The following RASGRF2 variants were observed in gnomAD, a reference collection of about 807,000 sequenced individuals.
The protein encoded by RASGRF2 is Ras protein specific guanine nucleotide releasing factor 2.
In RASGRF2, 76 loss-of-function variants were observed where a neutral mutation model predicts 151.0. That is an observed-to-expected ratio of 0.50 (90% CI 0.42 to 0.61). RASGRF2 has a LOEUF of 0.61. RASGRF2 is among the 20% of genes least tolerant of loss of function. RASGRF2 has a pLI of 0.00. For missense variants in RASGRF2, 1,148 were observed against 1,564.6 expected, an observed-to-expected ratio of 0.73 and a Z score of 4.49; for synonymous variants, 504 against 566.5, an observed-to-expected ratio of 0.89 and a Z score of 1.57.
chr5:80,996,828 G>A (rs189840240), intron 1 of RASGRF2, among the ~76,000 whole-genome samples: 1 of 151,380 alleles, frequency 6.6e-6, no homozygotes, highest in African/African-American at 2.4e-5. Context: ...TCAAACTCCT[G>A]GCCTCAAGTG....
intron 25 of RASGRF2, among the ~76,000 whole-genome samples, chr5:81,219,207 T>G (rs1024593255): frequency 6.6e-6 from 1 of 151,802 alleles, no homozygotes; most frequent in Non-Finnish European, 1.5e-5. Context: ...GCCTCCCAAG[T>G]AGCTGGGATT....
chr5:81,008,650 A>G (rs1209559012), intron 1 of RASGRF2, among the ~76,000 whole-genome samples: 1 of 152,172 alleles, frequency 6.6e-6, no homozygotes, highest in Non-Finnish European at 1.5e-5. Flanking sequence ...TTGATAAAAT[A>G]ATGGATAAAA....
chr5:81,180,047 G>A (rs7722620), intron 17 of RASGRF2, 128 bp from the exon 18 acceptor site: 312,843 of 617,230 alleles, frequency 0.51, 83,046 homozygotes, highest in East Asian at 0.64. Context: ...CTGAAGCCAC[G>A]CGCACCTCTC....
At chr5:81,113,040 C>A (rs1753045319) in intron 14 of RASGRF2, among the ~76,000 whole-genome samples, 182 bp downstream of exon 14, 1 of 152,162 alleles carries the variant, frequency 6.6e-6, no homozygotes, top group Non-Finnish European at 1.5e-5. Context: ...GTTCCCCAGG[C>A]ACGAAGTTGA....
intron 2 of RASGRF2, among the ~76,000 whole-genome samples, chr5:81,066,871 T>A (rs1291239387): frequency 1.3e-5 from 2 of 152,232 alleles, no homozygotes; most frequent in Admixed American, 1.3e-4. Context: ...GCTTTTGTGG[T>A]ATAAACATGG....
At chr5:81,136,491 G>C (rs935757813) in intron 17 of RASGRF2, among the ~76,000 whole-genome samples, 3 of 152,104 alleles carry the variant, frequency 2.0e-5, no homozygotes, top group African/African-American at 7.2e-5. Context: ...CCTGGTTTCT[G>C]ATGTGGTGTT....
rs1755528489 is a variant in RASGRF2, at chr5:81,207,255, A to G, written c.2977A>G (p.Met993Val). 6.2e-7 allele frequency: 1 copy of G among 1,614,136 alleles called. No individual in the cohort carries two copies. The highest frequency in any genetic ancestry group is 8.5e-7 in the Non-Finnish European group (1 of 1,180,010). Residue 993 changes from methionine to valine, a missense_variant, in exon 21 of 27, where the codon ATG (methionine) becomes GTG (valine). Met to Val is a conservative substitution (Grantham distance 21). Around this residue, in one of 5 missense-constraint regions of RASGRF2, gnomAD observed 646 missense variants for 807.4 expected, o/e 0.80. Coordinates refer to ENST00000265080, the MANE Select transcript of RASGRF2 (RefSeq NM_006909.3). The stretch of plus-strand genomic sequence containing the variant: ...CCCTCATCTCTTGCAGACTGACTGC[A>G]TGAAGGCCGAATGCTTTGAGTCCTT... ...LEDIIQMTDC[M>V]KAECFESLSA... is the part of the protein sequence containing the mutation.
At chr5:80,961,999 G>C (rs1185181334) in intron 1 of RASGRF2, among the ~76,000 whole-genome samples, 1 of 152,196 alleles carries the variant, frequency 6.6e-6, no homozygotes, top group Admixed American at 6.5e-5. Context: ...AATATTCGCA[G>C]CTGAATTTTC....
At chr5:81,225,017 C>T (rs1755943449) in intron 26 of RASGRF2, among the ~76,000 whole-genome samples, 1 of 152,120 alleles carries the variant, frequency 6.6e-6, no homozygotes, top group Admixed American at 6.5e-5. Context: ...TGTTATATTT[C>T]AATAAAACTA....
At chr5:81,213,987 A>G (rs757153822) in intron 23 of RASGRF2, among the ~76,000 whole-genome samples, 1 of 152,176 alleles carries the variant, frequency 6.6e-6, no homozygotes, top group Non-Finnish European at 1.5e-5. Context: ...TTGCACTACT[A>G]CAGACAGTAT....
intron 16 of RASGRF2, among the ~76,000 whole-genome samples, chr5:81,125,213 G>A (rs114765589): frequency 0.012 from 1,847 of 152,186 alleles, 35 homozygotes; most frequent in African/African-American, 0.042. Flanking sequence ...ACTCTCATAG[G>A]CATGCTTCAA....
chr5:81,073,658 G>A (rs907152118), intron 5 of RASGRF2, among the ~76,000 whole-genome samples: 3 of 151,124 alleles, frequency 2.0e-5, no homozygotes, highest in Non-Finnish European at 4.4e-5. Context: ...TTGCTCTGTC[G>A]CCCAGGCTGG....
chr5:80,982,014 T>G (rs1444521153), intron 1 of RASGRF2, among the ~76,000 whole-genome samples: 2 of 152,188 alleles, frequency 1.3e-5, no homozygotes, highest in African/African-American at 4.8e-5. Flanking sequence ...TCACTAGCAG[T>G]GGAGCACTAG....
intron 1 of RASGRF2, among the ~76,000 whole-genome samples, chr5:81,015,438 C>A (rs1749598832): frequency 6.6e-6 from 1 of 151,918 alleles, no homozygotes; most frequent in African/African-American, 2.4e-5. Context: ...ACAAAGGAAT[C>A]AGCTCAAAGA....
intron 2 of RASGRF2, among the ~76,000 whole-genome samples, chr5:81,064,839 C>A (rs1334485813): frequency 6.6e-6 from 1 of 152,068 alleles, no homozygotes; most frequent in Non-Finnish European, 1.5e-5. Context: ...TAGTGACGTC[C>A]TTGATTAGGT....
chr5:81,217,220 G>C (rs1021794329), intron 24 of RASGRF2, 136 bp from the exon 25 acceptor site: 11 of 1,298,170 alleles, frequency 8.5e-6, no homozygotes, highest in Non-Finnish European at 1.0e-5. Context: ...TTATGAATAT[G>C]CTTCTGAAAC....
chr5:81,214,780 G>A (rs377593935), intron 23 of RASGRF2, among the ~76,000 whole-genome samples: 6 of 152,134 alleles, frequency 3.9e-5, no homozygotes, highest in African/African-American at 1.4e-4. Flanking sequence ...CCAGGAATGG[G>A]TTATCCTCCC....
At chr5:81,112,534 A>G in intron 13 of RASGRF2, 76 bp from the exon 14 acceptor site, 2 of 1,583,994 alleles carry the variant, frequency 1.3e-6, no homozygotes, top group Admixed American at 1.7e-5. Context: ...GTGTGATTAC[A>G]AACGCTGAAA....
At position 81,215,881 on chromosome 5, in the gene RASGRF2, A is replaced by C; in HGVS notation, c.3360A>C (p.Lys1120Asn). ...GTTTTTTCTTTTCTTTTTAGACAAA[A>C]GCTCTAATGGACAAACTTCAAAAGA... is the stretch of plus-strand genomic sequence containing the variant. ...KTWAKVSKQT[K>N]ALMDKLQKTV... The change falls in exon 24 of 27, where the codon AAA becomes AAC. Residue 1120 changes from lysine to asparagine, a missense_variant. Lys to Asn is a moderately conservative substitution (Grantham distance 94). Transcript: ENST00000265080. 1 of 1,538,482 alleles carries C rather than the reference A, an allele frequency of 6.5e-7. No homozygotes were observed. Among genetic ancestry groups the C allele is most frequent in the East Asian group, 2.4e-5 (1 of 41,714 alleles).
Sources: gnomAD v4.1 joint callset for allele counts (sites outside exome capture counted in the v4.1 genomes callset) on GRCh38, gnomAD v4.1.1 for gene constraint, gnomAD v4.1.1 regional missense constraint, MANE v1.5 for transcripts, NCBI Gene and HGNC (gene_info 2026-07-23, HGNC 2026-07-21) for gene names.